The following NFIA variants were observed in gnomAD, a reference collection of about 807,000 sequenced individuals.
NFIA encodes the protein nuclear factor 1 A-type.
In NFIA, 8 loss-of-function variants were observed where a neutral mutation model predicts 62.8. That is an observed-to-expected ratio of 0.13 (90% CI 0.07 to 0.23). The LOEUF (loss-of-function observed/expected upper bound fraction) is 0.23, where lower values mean the gene tolerates loss of function less well. NFIA is among the 10% of genes least tolerant of loss of function. The pLI, the probability that NFIA is intolerant of heterozygous loss-of-function variation, is 1.00. For synonymous variants in NFIA, 235 were observed against 238.1 expected (o/e 0.99, Z 0.12); for missense variants, 410 against 642.1 (o/e 0.64, Z 3.91).
At chr1:61,239,914 A>G (rs1655238598) in intron 2 of NFIA, among the ~76,000 whole-genome samples, 2 of 152,102 alleles carry the variant, frequency 1.3e-5, no homozygotes, top group African/African-American at 4.8e-5. Flanking sequence ...GTCTTTCATT[A>G]CTGTGCTATA....
At chr1:61,189,033 T>C (rs1651414141) in intron 2 of NFIA, among the ~76,000 whole-genome samples, 1 of 152,194 alleles carries the variant, frequency 6.6e-6, no homozygotes, top group Admixed American at 6.5e-5. Flanking sequence ...TGGGGCATTA[T>C]GACCAGTCAG....
intron 7 of NFIA, among the ~76,000 whole-genome samples, chr1:61,395,071 C>A (rs973855755): frequency 4.6e-5 from 7 of 152,094 alleles, no homozygotes; most frequent in African/African-American, 1.7e-4. Context: ...TGCATCACTG[C>A]CCTCCAGCCT....
chr1:61,238,294 A>G (rs332832), intron 2 of NFIA, among the ~76,000 whole-genome samples: 13,420 of 152,280 alleles, frequency 0.088, 746 homozygotes, highest in Non-Finnish European at 0.11. Context: ...TTCCAAATAA[A>G]TCTATCTGTA....
chr1:61,332,651 G>A, intron 4 of NFIA, 65 bp downstream of exon 4: 1 of 1,311,558 alleles, frequency 7.6e-7, no homozygotes, highest in South Asian at 1.3e-5. Flanking sequence ...TTCTGCCTAG[G>A]ACTCCTAGAG....
intron 2 of NFIA, among the ~76,000 whole-genome samples, chr1:61,119,655 A>G (rs1646854747): frequency 6.6e-6 from 1 of 152,228 alleles, no homozygotes; most frequent in Non-Finnish European, 1.5e-5. Context: ...ATTAAAAAAC[A>G]TTCAATTCTT....
intron 2 of NFIA, among the ~76,000 whole-genome samples, chr1:61,254,493 G>A (rs1450635267): frequency 6.6e-6 from 1 of 152,176 alleles, no homozygotes; most frequent in Non-Finnish European, 1.5e-5. Flanking sequence ...GGAAGAAATA[G>A]GGAAGTAGAA....
intron 10 of NFIA, among the ~76,000 whole-genome samples, chr1:61,436,070 G>T (rs1429763535): frequency 1.3e-5 from 2 of 152,146 alleles, no homozygotes; most frequent in Admixed American, 6.5e-5. Context: ...CTCCCATGGG[G>T]CTGGGTCACC....
rs181342397 is a variant in NFIA at position 61,285,357 on chromosome 1, T to G, written c.625+7772T>G. On this transcript the variant is annotated intron_variant, in intron 3 of 10. Transcript: ENST00000403491. ...CAAATAATAGGGTCACTTCTGCTTT[T>G]AAATTTGAATGTGAATTTGTTGTTT... Among the ~76,000 whole-genome samples, 453 of 152,354 alleles carry G rather than the reference T, an allele frequency of 3.0e-3. 3 individuals are homozygous for G. Among genetic ancestry groups the G allele is most frequent in the Middle Eastern group, 6.8e-3 (2 of 294 alleles).
intron 2 of NFIA, among the ~76,000 whole-genome samples, chr1:61,244,186 G>C (rs761209261): frequency 3.4e-4 from 51 of 152,114 alleles, no homozygotes; most frequent in Non-Finnish European, 3.4e-4. Flanking sequence ...TAATCTATGT[G>C]CCAACAAGTC....
intron 6 of NFIA, among the ~76,000 whole-genome samples, chr1:61,374,161 G>C (rs1664039147): frequency 6.6e-6 from 1 of 152,106 alleles, no homozygotes; most frequent in Non-Finnish European, 1.5e-5. Context: ...TATTCAGCTG[G>C]ATATCTAAGG....
intron 9 of NFIA, among the ~76,000 whole-genome samples, chr1:61,421,790 A>C (rs1231459298): frequency 2.6e-5 from 4 of 152,230 alleles, no homozygotes; most frequent in Non-Finnish European, 5.9e-5. Flanking sequence ...TACACGGAAG[A>C]AATCTGGCTA....
At chr1:61,265,155 C>G (rs1224789792) in intron 2 of NFIA, among the ~76,000 whole-genome samples, 1 of 152,202 alleles carries the variant, frequency 6.6e-6, no homozygotes, top group African/African-American at 2.4e-5. Context: ...TGGAAAATCA[C>G]TGACTAATCC....
chr1:61,401,509 T>C (rs2100516729), intron 7 of NFIA, among the ~76,000 whole-genome samples: 1 of 152,318 alleles, frequency 6.6e-6, no homozygotes, highest in Non-Finnish European at 1.5e-5. Context: ...TTCTTCTATC[T>C]CATTTCTTTA....
At chr1:61,143,570 T>G (rs879137385) in intron 2 of NFIA, among the ~76,000 whole-genome samples, 2 of 152,126 alleles carry the variant, frequency 1.3e-5, no homozygotes, top group South Asian at 4.1e-4. Context: ...TTGTATTTTT[T>G]TGTACAGATG....
At chr1:61,383,104 CACA>C (rs1455801909) in intron 6 of NFIA, 130 bp from the exon 7 acceptor site, 6 of 1,149,264 alleles carry the variant, frequency 5.2e-6, no homozygotes, top group East Asian at 2.4e-5. Context: ...CAAAGCAATT[CACA>C]ACATCTTTTT....
chr1:61,289,367 C>T (rs1396813710), intron 3 of NFIA, among the ~76,000 whole-genome samples: 1 of 152,170 alleles, frequency 6.6e-6, no homozygotes, highest in Non-Finnish European at 1.5e-5. Flanking sequence ...CTTATATCAT[C>T]TTAATATAAT....
intron 7 of NFIA, among the ~76,000 whole-genome samples, chr1:61,386,560 A>G (rs1326399726): frequency 6.6e-6 from 1 of 152,164 alleles, no homozygotes; most frequent in African/African-American, 2.4e-5. Context: ...ATAACTGTCC[A>G]ACACACATCC....
At chr1:61,104,531 AG>A (rs901061611) in intron 2 of NFIA, among the ~76,000 whole-genome samples, 17 of 152,084 alleles carry the variant, frequency 1.1e-4, no homozygotes, top group African/African-American at 4.1e-4. Flanking sequence ...TATTGATTGT[AG>A]GTAACATAAG....
At chr1:61,259,829 A>T (rs1656645105) in intron 2 of NFIA, among the ~76,000 whole-genome samples, 1 of 152,222 alleles carries the variant, frequency 6.6e-6, no homozygotes, top group Non-Finnish European at 1.5e-5. Flanking sequence ...TTACAATTTT[A>T]ATTAATGTTT....
Sources: allele counts gnomAD v4.1 joint callset (sites outside exome capture counted in the v4.1 genomes callset), GRCh38; gene constraint gnomAD v4.1.1; transcripts MANE v1.5; gene names NCBI Gene and HGNC (gene_info 2026-07-23, HGNC 2026-07-21).